Variants in GABRB1 observed in about 807,000 individuals in gnomAD.
The protein encoded by GABRB1 is gamma-aminobutyric acid type A receptor subunit beta1.
A neutral mutation model predicts 51.6 loss-of-function variants in GABRB1; 17 were observed. That is an observed-to-expected ratio of 0.33 (90% confidence interval 0.23 to 0.49). The LOEUF (loss-of-function observed/expected upper bound fraction) is 0.49, where lower values mean the gene tolerates loss of function less well. Among genes scored for constraint, GABRB1 ranks in the 20% least tolerant of loss-of-function variants. The pLI is 0.99. For synonymous variants in GABRB1, 247 were observed against 218.9 expected, an observed-to-expected ratio of 1.13 and a Z score of -1.14; for missense variants, 410 against 600.6, an observed-to-expected ratio of 0.68 and a Z score of 3.32.
intron 4 of GABRB1, among the ~76,000 whole-genome samples, chr4:47,318,338 G>A (rs920168067): frequency 2.0e-5 from 3 of 151,904 alleles, no homozygotes; most frequent in Non-Finnish European, 4.4e-5. Flanking sequence ...CCTTAGCAAT[G>A]TCTGTGCTAC....
Position 47,141,112 on chromosome 4 carries a change from G to A in GABRB1, c.241-20137G>A, listed in dbSNP as rs147464566. On this transcript the variant is annotated intron_variant, in intron 3 of 8. Coordinates refer to ENST00000295454, the MANE Select transcript of GABRB1 (RefSeq NM_000812.4). ...TTTTTAAAAAAAAACAACTAATATC[G>A]CTATACTAGCATATTCATCTGAATT... is the stretch of plus-strand genomic sequence containing the variant. Among the ~76,000 whole-genome samples the A allele has an allele frequency of 1.9e-4, 29 of 151,696 alleles. No individual in the cohort carries two copies. The East Asian group carries it at 5.6e-3, about 29-fold the overall frequency.
At chr4:47,031,546 G>T (rs1020903304), upstream of GABRB1, 7 of 882,520 alleles carry the variant, frequency 7.9e-6, no homozygotes, top group Non-Finnish European at 1.3e-5. Flanking sequence ...TAGTGAGCGC[G>T]CTCTGCGCAT....
chr4:47,289,520 C>A (rs961579843), intron 4 of GABRB1, among the ~76,000 whole-genome samples: 5 of 152,200 alleles, frequency 3.3e-5, no homozygotes, highest in African/African-American at 1.2e-4. Context: ...ATTAGTCTAA[C>A]TCCACCAAAC....
At chr4:47,241,893 AT>A (rs1721538120) in intron 4 of GABRB1, among the ~76,000 whole-genome samples, 1 of 151,436 alleles carries the variant, frequency 6.6e-6, no homozygotes, top group Non-Finnish European at 1.5e-5. Flanking sequence ...TTTTATTTTT[AT>A]TTTTTATTAT....
intron 4 of GABRB1, among the ~76,000 whole-genome samples, chr4:47,288,894 AG>A (rs1723617337): frequency 6.6e-6 from 1 of 152,204 alleles, no homozygotes; most frequent in Non-Finnish European, 1.5e-5. Flanking sequence ...TTAACCACAA[AG>A]ATTACATCCA....
chr4:47,162,896 C>G (rs1444763911), intron 4 of GABRB1, among the ~76,000 whole-genome samples: 1 of 152,004 alleles, frequency 6.6e-6, no homozygotes, highest in Non-Finnish European at 1.5e-5. Context: ...TCATCTATGC[C>G]CTACTCTTTT....
At chr4:47,408,636 T>C (rs961530636) in intron 8 of GABRB1, among the ~76,000 whole-genome samples, 1 of 152,156 alleles carries the variant, frequency 6.6e-6, no homozygotes, top group African/African-American at 2.4e-5. Flanking sequence ...AATATTATAC[T>C]CATATGAGGT....
chr4:47,307,570 C>A (rs958885369), intron 4 of GABRB1, among the ~76,000 whole-genome samples: 2 of 151,776 alleles, frequency 1.3e-5, no homozygotes, highest in Non-Finnish European at 2.9e-5. Context: ...TACCTCCTTC[C>A]AAAAAAGTTT....
At chr4:47,141,513 T>C (rs796831219) in intron 3 of GABRB1, among the ~76,000 whole-genome samples, 42 of 152,092 alleles carry the variant, frequency 2.8e-4, no homozygotes, top group African/African-American at 9.6e-4. Context: ...AAATAAGTAG[T>C]CATTATGCAC....
intron 4 of GABRB1, among the ~76,000 whole-genome samples, chr4:47,293,126 G>T (rs1383137294): frequency 6.6e-6 from 1 of 152,016 alleles, no homozygotes; most frequent in East Asian, 1.9e-4. Context: ...TGTTGTTGTT[G>T]TTGTTGTTGT....
At chr4:47,064,425 A>G (rs540818310) in intron 3 of GABRB1, among the ~76,000 whole-genome samples, 1 of 152,168 alleles carries the variant, frequency 6.6e-6, no homozygotes, top group Admixed American at 6.5e-5. Flanking sequence ...ACCTGAGGTC[A>G]GGAGTTCGAG....
At chr4:47,384,856 T>A (rs1727731691) in intron 5 of GABRB1, among the ~76,000 whole-genome samples, 1 of 152,222 alleles carries the variant, frequency 6.6e-6, no homozygotes, top group South Asian at 2.1e-4. Flanking sequence ...ATTTTGTTTT[T>A]TATTTTTTAA....
chr4:47,001,366 T>G lies in GABRB1; in HGVS notation c.-20+7440T>G, dbSNP rs574486581. Among the ~76,000 whole-genome samples, 371 of 152,236 alleles carry G rather than the reference T, an allele frequency of 2.4e-3. 2 individuals carry two copies. The highest frequency in any genetic ancestry group is 0.01 in the Middle Eastern group (3 of 294). On this transcript the variant is annotated intron_variant, in intron 1 of 3. Transcript: ENST00000513567. Reference sequence around the variant, plus strand: ...ACCGTGTTAGCCAGGATGGTCTGAATCTCCTGACCTCGTGATTCTCCCGCC... The same window carrying G: ...ACCGTGTTAGCCAGGATGGTCTGAAGCTCCTGACCTCGTGATTCTCCCGCC...
intron 3 of GABRB1, among the ~76,000 whole-genome samples, chr4:47,147,073 A>G (rs896305244): frequency 1.3e-5 from 2 of 152,066 alleles, no homozygotes; most frequent in African/African-American, 4.8e-5. Context: ...AAATGTATTT[A>G]AAAATAAATT....
intron 3 of GABRB1, among the ~76,000 whole-genome samples, chr4:47,052,028 C>T (rs1447027121): frequency 6.6e-6 from 1 of 152,110 alleles, no homozygotes; most frequent in Non-Finnish European, 1.5e-5. Flanking sequence ...ACACGGGAGG[C>T]TGAGGCAGTA....
At chr4:47,202,680 C>T (rs1719939913) in intron 4 of GABRB1, among the ~76,000 whole-genome samples, 1 of 152,108 alleles carries the variant, frequency 6.6e-6, no homozygotes, top group African/African-American at 2.4e-5. Context: ...AAGTCATTTC[C>T]TTTGTGGGGC....
intron 3 of GABRB1, among the ~76,000 whole-genome samples, chr4:47,137,263 G>A (rs1393452586): frequency 1.3e-5 from 2 of 151,974 alleles, no homozygotes; most frequent in Non-Finnish European, 2.9e-5. Context: ...TAGGAAAGAG[G>A]GATCTGGAGG....
intron 3 of GABRB1, among the ~76,000 whole-genome samples, chr4:47,160,041 T>C (rs1717870049): frequency 1.3e-5 from 2 of 152,242 alleles, no homozygotes; most frequent in Non-Finnish European, 1.5e-5. Context: ...AATTTTACCT[T>C]GTATTAATAG....
At chr4:47,011,686 G>A (rs1284166995) in intron 1 of GABRB1, among the ~76,000 whole-genome samples, 1 of 152,060 alleles carries the variant, frequency 6.6e-6, no homozygotes, top group African/African-American at 2.4e-5. Flanking sequence ...TCTTAGGGTA[G>A]CTCATTTATT....
Sources: allele counts gnomAD v4.1 joint callset (sites outside exome capture counted in the v4.1 genomes callset), GRCh38; gene constraint gnomAD v4.1.1; transcripts MANE v1.5; gene names NCBI Gene and HGNC (gene_info 2026-07-23, HGNC 2026-07-21).